Variants in KRT2 observed in about 807,000 individuals in gnomAD.
The protein encoded by KRT2 is keratin 2, also known as keratin, type II cytoskeletal 2 epidermal.
Under a neutral mutation model 48.5 loss-of-function variants are expected in KRT2, and 37 were observed. The ratio of observed to expected loss-of-function variants is 0.76; its 90% CI spans 0.59 to 1.00. The LOEUF (loss-of-function observed/expected upper bound fraction) is 1.00. KRT2 is among the 50% of genes least tolerant of loss of function. KRT2 has a pLI of 0.00. For missense variants in KRT2, 880 were observed against 815.2 expected (o/e 1.08, Z -0.97); for synonymous variants, 324 against 312.2 (o/e 1.04, Z -0.40).
intron 1 of KRT2, 146 bp from the exon 2 acceptor site, chr12:52,650,699 T>C (rs2120953425): frequency 1.4e-6 from 1 of 722,616 alleles, no homozygotes; most frequent in Admixed American, 2.0e-5. Context: ...GCAGAGCTTC[T>C]GAGCTCCCTG....
In KRT2 at chr12:52,652,093, C is replaced by T; in HGVS notation, c.50G>A (p.Gly17Glu). The T allele has an allele frequency of 6.3e-7, 1 of 1,587,250 alleles. No homozygotes were observed. Among genetic ancestry groups the T allele is most frequent in the Non-Finnish European group, 8.5e-7 (1 of 1,172,928 alleles). Reference protein sequence around the residue: ...CKSRGRGGGGGGFRGFSSGSA... With the variant: ...CKSRGRGGGGEGFRGFSSGSA... The stretch of plus-strand genomic sequence containing the variant: ...GCCGCTGCTGAAGCCCCGGAATCCT[C>T]CTCCACCTCCTCCTCTTCCTCGAGA... The change falls in exon 1 of 9, where the codon GGA becomes GAA. Residue 17 changes from glycine to glutamate, a missense_variant. By Grantham distance (98) the Gly-to-Glu change is moderately conservative. Transcript: ENST00000309680.
intron 2 of KRT2, 78 bp from the exon 3 acceptor site, chr12:52,650,052 C>G (rs1941225828): frequency 6.9e-6 from 7 of 1,013,270 alleles, no homozygotes; most frequent in Non-Finnish European, 4.7e-6. Flanking sequence ...CTGGATTCAC[C>G]CCAAATGCCC....
chr12:52,651,693 G>C lies in KRT2; in HGVS notation c.450C>G (p.Ile150Met). Residue 150 changes from isoleucine (I) to methionine (M), a missense_variant, in exon 1 of 9, where the codon ATC (isoleucine) becomes ATG (methionine). Transcript: ENST00000309680. Reference sequence around the variant, plus strand: ...GGCTCTGGTTGACAGAGACTTCGTGGATGCCACCAGGGTATCCTCCAGGCC... The same window carrying C: ...GGCTCTGGTTGACAGAGACTTCGTGCATGCCACCAGGGTATCCTCCAGGCC... ...GFGPGGYPGG[I>M]HEVSVNQSLL... 6.2e-7 allele frequency: 1 copy of C among 1,614,036 alleles called. No homozygotes were observed. The highest frequency in any genetic ancestry group is 8.5e-7 in the Non-Finnish European group (1 of 1,180,008).
intron 5 of KRT2, 62 bp from the exon 6 acceptor site, chr12:52,647,917 G>A (rs934801481): frequency 3.9e-5 from 63 of 1,605,382 alleles, no homozygotes; most frequent in Non-Finnish European, 4.8e-5. Flanking sequence ...ATTCCAGACT[G>A]ACTGGAGTGA....
In KRT2 at chr12:52,652,048, C is replaced by G. The variant is rs760252823; in HGVS notation, c.95G>C (p.Gly32Ala). 8 of 1,604,790 alleles carry G rather than the reference C, an allele frequency of 5.0e-6. No individual in the cohort carries two copies. The South Asian group carries it at 8.8e-5, about 18-fold the overall frequency. The change falls in exon 1 of 9, where the codon GGA becomes GCA. Residue 32 changes from glycine (G) to alanine (A), a missense_variant. Coordinates refer to ENST00000309680, the MANE Select transcript of KRT2 (RefSeq NM_000423.3). ...GAAGCTGGAAGTTGATCTCCGGCTT[C>G]CACCAGACACCACAGCTGAGCCGCT... ...FSSGSAVVSGGSRRSTSSFSC... is the reference protein window; with the variant it reads ...FSSGSAVVSGASRRSTSSFSC...
intron 3 of KRT2, 122 bp downstream of exon 3, chr12:52,649,792 T>C (rs907586136): frequency 1.3e-6 from 1 of 786,422 alleles, no homozygotes; most frequent in African/African-American, 1.7e-5. Context: ...GCCATGGGTC[T>C]CACTCCTTTC....
In KRT2 at chr12:52,651,684, G is replaced by C. The variant is rs768075243; in HGVS notation, c.459C>G (p.Val153=). The change falls in exon 1 of 9, where the codon GTC becomes GTG. Residue 153 remains valine, a synonymous_variant. Coordinates refer to ENST00000309680, the MANE Select transcript of KRT2 (RefSeq NM_000423.3). ...GCTGCAGGAGGCTCTGGTTGACAGA[G>C]ACTTCGTGGATGCCACCAGGGTATC... is the stretch of plus-strand genomic sequence containing the variant. ...PGGYPGGIHE[V]SVNQSLLQPL... The C allele has an allele frequency of 6.2e-7, 1 of 1,614,048 alleles. No individual in the cohort carries two copies. Among genetic ancestry groups the C allele is most frequent in the Non-Finnish European group, 8.5e-7 (1 of 1,180,008 alleles).
In KRT2 at chr12:52,649,024, T is replaced by A; in HGVS notation, c.940A>T (p.Lys314Ter). 1 of 1,610,278 alleles carries A rather than the reference T, an allele frequency of 6.2e-7. No individual in the cohort carries two copies. ...CTCCTTACCGCATCATAGAGAACTT[T>A]CAGAAACTCAATTTCCTGGTTCAGC... The part of the protein sequence containing the change: ...DLLNQEIEFL[K>*]VLYDAEISQI... The change falls in exon 4 of 9, where the codon AAA becomes TAA. Residue 314 changes from lysine to a stop codon, truncating the protein, a stop_gained. Transcript: ENST00000309680. LOFTEE classifies it high-confidence loss of function.
At chr12:52,646,594 G>T (rs1327474217) in intron 7 of KRT2, 146 bp downstream of exon 7, 2 of 822,662 alleles carry the variant, frequency 2.4e-6, no homozygotes, top group East Asian at 5.2e-5. Flanking sequence ...CTGAGTTTCT[G>T]CTTGGGGAAC....
intron 7 of KRT2, among the ~76,000 whole-genome samples, chr12:52,645,852 C>T (rs961833553): frequency 4.6e-5 from 7 of 152,240 alleles, no homozygotes; most frequent in Non-Finnish European, 8.8e-5. Context: ...TCACTTCCTA[C>T]TTTGCAACCC....
chr12:52,646,410 A>G (rs1050102869), intron 7 of KRT2, among the ~76,000 whole-genome samples: 2 of 152,222 alleles, frequency 1.3e-5, no homozygotes, highest in Non-Finnish European at 2.9e-5. Context: ...CACTCACCCT[A>G]TGGACCTAGA....
rs567537957 is a variant in KRT2 at position 52,650,752 on chromosome 12, C to T, written c.586-199G>A. The T allele has an allele frequency of 5.5e-5, 35 of 637,336 alleles. No individual in the cohort carries two copies. In the East Asian group the frequency reaches 5.9e-4, roughly 11 times the overall value. The allele number at this position is 637,336 out of a possible 1,614,324, so 39.5% of individuals were successfully genotyped here. ...TCCCACAGACTCCTAATGCTACATC[C>T]GGCTCTCTCCACGCAGAGGAGACTC... On this transcript the variant is annotated intron_variant, in intron 1 of 8. Transcript: ENST00000309680.
Position 52,651,585 on chromosome 12 carries a change from G to A in KRT2, c.558C>T (p.Asn186=). The A allele has an allele frequency of 1.9e-6, 3 of 1,614,092 alleles. No homozygotes were observed. The highest frequency in any genetic ancestry group is 1.3e-5 in the African/African-American group (1 of 75,030). The change falls in exon 1 of 9, where the codon AAC becomes AAT. Residue 186 remains asparagine (N), a synonymous_variant. Coordinates refer to ENST00000309680, the MANE Select transcript of KRT2 (RefSeq NM_000423.3). ...AQEREQIKTL[N]NKFASFIDKV... ...TGTCAATGAAGGAGGCAAATTTGTTGTTGAGAGTTTTGATCTGCTCACGCT... is the reference window on the plus strand; with the variant it reads ...TGTCAATGAAGGAGGCAAATTTGTTATTGAGAGTTTTGATCTGCTCACGCT...
In KRT2 at chr12:52,649,982, G is replaced by C; in HGVS notation, c.801-8C>G. The C allele has an allele frequency of 1.9e-6, 3 of 1,605,308 alleles. No individual in the cohort carries two copies. The highest frequency in any genetic ancestry group is 2.6e-6 in the Non-Finnish European group (3 of 1,172,042). ...TTGATTTCATCCTCATACCTATTGG[G>C]ACACAGATGTTACAGCAGTTAGATT... On this transcript the variant is annotated splice_region_variant and splice_polypyrimidine_tract_variant and intron_variant, in intron 2 of 8. Transcript: ENST00000309680.
intron 1 of KRT2, chr12:52,650,764 C>G: frequency 1.6e-6 from 1 of 615,576 alleles, no homozygotes; most frequent in East Asian, 2.9e-5. Flanking sequence ...GCTCTCTCCA[C>G]GCAGAGGAGA....
At chr12:52,648,011 T>C (rs1450832770) in intron 5 of KRT2, among the ~76,000 whole-genome samples, 156 bp from the exon 6 acceptor site, 1 of 152,190 alleles carries the variant, frequency 6.6e-6, no homozygotes, top group Admixed American at 6.5e-5. Flanking sequence ...CTGTCTCACA[T>C]GCCCAAAAGG....
At position 52,651,687 on chromosome 12, in the gene KRT2, T is replaced by C. The variant is rs1460123881; in HGVS notation, c.456A>G (p.Glu152=). Residue 152 remains glutamate, a synonymous_variant, in exon 1 of 9, where the codon GAA becomes GAG. Coordinates refer to ENST00000309680, the MANE Select transcript of KRT2 (RefSeq NM_000423.3). ...GCAGGAGGCTCTGGTTGACAGAGAC[T>C]TCGTGGATGCCACCAGGGTATCCTC... ...GPGGYPGGIH[E]VSVNQSLLQP... 6.2e-7 allele frequency: 1 copy of C among 1,614,010 alleles called. No individual in the cohort carries two copies. The highest frequency in any genetic ancestry group is 8.5e-7 in the Non-Finnish European group (1 of 1,179,992).
chr12:52,645,007 G>T lies in KRT2; in HGVS notation c.*12C>A. ...CTGGGTTGGGAGAGTCGGTGGTGGT[G>T]GGGGCTCATCTTTATCTAAAAGAGA... On this transcript the variant is annotated 3_prime_UTR_variant, in exon 9 of 9. Coordinates refer to ENST00000309680, the MANE Select transcript of KRT2 (RefSeq NM_000423.3). The T allele has an allele frequency of 6.2e-7, 1 of 1,613,490 alleles. No individual in the cohort carries two copies. Among genetic ancestry groups the T allele is most frequent in the Non-Finnish European group, 8.5e-7 (1 of 1,179,646 alleles).
chr12:52,650,615 G>T, intron 1 of KRT2, 62 bp from the exon 2 acceptor site: 3 of 1,400,454 alleles, frequency 2.1e-6, no homozygotes, highest in Non-Finnish European at 2.0e-6. Context: ...AGCAAGCCAC[G>T]CTGGCCAGGG....
Sources: allele counts gnomAD v4.1 joint callset (sites outside exome capture counted in the v4.1 genomes callset), GRCh38; gene constraint gnomAD v4.1.1; transcripts MANE v1.5; gene names NCBI Gene and HGNC (gene_info 2026-07-23, HGNC 2026-07-21).